Variants in KCNJ6 observed in about 807,000 individuals in gnomAD.
KCNJ6 encodes potassium inwardly rectifying channel subfamily J member 6, also known as G protein-activated inward rectifier potassium channel 2.
KCNJ6 carries 9 observed loss-of-function variants against 34.2 expected under a neutral mutation model. The ratio of observed to expected loss-of-function variants is 0.26; its 90% confidence interval spans 0.16 to 0.46. The LOEUF (loss-of-function observed/expected upper bound fraction) is 0.46, where lower values mean the gene tolerates loss of function less well. KCNJ6 is among the 20% of genes least tolerant of loss of function. KCNJ6 has a pLI of 1.00. For missense variants in KCNJ6, 236 were observed against 531.3 expected (o/e 0.44, Z 5.46); for synonymous variants, 196 against 207.1 (o/e 0.95, Z 0.46).
At chr21:37,755,788 G>T (rs898857803) in intron 2 of KCNJ6, among the ~76,000 whole-genome samples, 3 of 152,218 alleles carry the variant, frequency 2.0e-5, no homozygotes, top group African/African-American at 7.2e-5. Flanking sequence ...ATACGAGGGT[G>T]CGGTACAGGC....
intron 2 of KCNJ6, among the ~76,000 whole-genome samples, chr21:37,745,172 A>G (rs2054961871): frequency 7.0e-6 from 1 of 142,688 alleles, no homozygotes; most frequent in Non-Finnish European, 1.5e-5. Context: ...GGCTCACGGC[A>G]GCCCCTTGAC....
intron 2 of KCNJ6, among the ~76,000 whole-genome samples, chr21:37,779,365 T>A (rs1174594438): frequency 6.6e-6 from 1 of 152,152 alleles, no homozygotes. Context: ...CAGGTCAACA[T>A]GGTGCTACCT....
chr21:37,862,179 T>C (rs987162477), intron 1 of KCNJ6, among the ~76,000 whole-genome samples: 11 of 152,184 alleles, frequency 7.2e-5, no homozygotes, highest in African/African-American at 2.4e-4. Context: ...AGGGCTGTAT[T>C]TTGCTTACAA....
intron 2 of KCNJ6, among the ~76,000 whole-genome samples, chr21:37,796,195 C>T (rs974675169): frequency 6.6e-6 from 1 of 152,086 alleles, no homozygotes; most frequent in South Asian, 2.1e-4. Context: ...GGTGAAAAGG[C>T]GAGGACGATG....
intron 3 of KCNJ6, among the ~76,000 whole-genome samples, chr21:37,671,292 T>C (rs2054541241): frequency 6.6e-6 from 1 of 152,216 alleles, no homozygotes; most frequent in Admixed American, 6.5e-5. Flanking sequence ...GCCTACATAA[T>C]GAAGCTTCCA....
chr21:37,775,010 T>C (rs934717461), intron 2 of KCNJ6, among the ~76,000 whole-genome samples: 3 of 152,170 alleles, frequency 2.0e-5, no homozygotes, highest in African/African-American at 7.2e-5. Context: ...CTCCAGCACC[T>C]GTTGTTTCCT....
At chr21:37,888,420 T>C (rs1728426288) in intron 1 of KCNJ6, among the ~76,000 whole-genome samples, 1 of 152,184 alleles carries the variant, frequency 6.6e-6, no homozygotes, top group Non-Finnish European at 1.5e-5. Flanking sequence ...AAGTCTGGGT[T>C]TTGGAATACA....
intron 2 of KCNJ6, among the ~76,000 whole-genome samples, chr21:37,810,732 TG>T (rs2055318606): frequency 6.6e-6 from 1 of 152,262 alleles, no homozygotes; most frequent in African/African-American, 2.4e-5. Flanking sequence ...GTTTTTCTAC[TG>T]GGTGTGTGAT....
At position 37,797,452 on chromosome 21, in the gene KCNJ6, C is replaced by G. The variant is rs540671311; in HGVS notation, c.25+43206G>C. Among the ~76,000 whole-genome samples the G allele has an allele frequency of 7.2e-5, 11 of 152,276 alleles. No homozygotes were observed. The South Asian group carries it at 8.3e-4, about 11-fold the overall frequency. ...TGTAATCATGACAATCCACAAAACC[C>G]AGTGTCTGGAGTGAAGGGAATGACA... is the stretch of plus-strand genomic sequence containing the variant. On this transcript the variant is annotated intron_variant, in intron 2 of 3. Transcript: ENST00000609713.
At chr21:37,852,466 T>C (rs927839550) in intron 1 of KCNJ6, among the ~76,000 whole-genome samples, 4 of 152,148 alleles carry the variant, frequency 2.6e-5, no homozygotes, top group African/African-American at 4.8e-5. Context: ...CAGGATGGTG[T>C]TGCTGGAGAC....
chr21:37,671,586 T>C (rs2054542445), intron 3 of KCNJ6, among the ~76,000 whole-genome samples: 1 of 152,204 alleles, frequency 6.6e-6, no homozygotes, highest in Non-Finnish European at 1.5e-5. Flanking sequence ...TTACAGCCAG[T>C]TGGTCAGAAG....
intron 3 of KCNJ6, among the ~76,000 whole-genome samples, chr21:37,625,749 A>G (rs1212934893): frequency 6.6e-6 from 1 of 152,244 alleles, no homozygotes; most frequent in Non-Finnish European, 1.5e-5. Context: ...GCACATGCAA[A>G]GGAAATCAAG....
intron 1 of KCNJ6, among the ~76,000 whole-genome samples, chr21:37,858,874 C>A (rs1311081859): frequency 3.3e-5 from 5 of 151,958 alleles, no homozygotes; most frequent in Non-Finnish European, 7.4e-5. Flanking sequence ...CCAATTAAAA[C>A]CAGGCAGGGA....
intron 3 of KCNJ6, among the ~76,000 whole-genome samples, chr21:37,700,775 A>G (rs1296074105): frequency 6.6e-6 from 1 of 152,098 alleles, no homozygotes; most frequent in Non-Finnish European, 1.5e-5. Flanking sequence ...ACAACTCACC[A>G]CATCTTAGGG....
At chr21:37,689,126 T>C (rs932304234) in intron 3 of KCNJ6, among the ~76,000 whole-genome samples, 3 of 152,188 alleles carry the variant, frequency 2.0e-5, no homozygotes, top group Non-Finnish European at 2.9e-5. Flanking sequence ...CTCTATCTAT[T>C]GAAGTGCAGG....
intron 2 of KCNJ6, among the ~76,000 whole-genome samples, chr21:37,772,687 T>G (rs1309325806): frequency 1.3e-5 from 2 of 152,232 alleles, no homozygotes; most frequent in Non-Finnish European, 2.9e-5. Flanking sequence ...CTATTTACTC[T>G]CTTTCAACCA....
chr21:37,880,617 C>T (rs976501236), intron 1 of KCNJ6, among the ~76,000 whole-genome samples: 7 of 152,066 alleles, frequency 4.6e-5, no homozygotes, highest in East Asian at 1.9e-4. Context: ...GTTAATCAGA[C>T]GGCTTTGCAT....
At chr21:37,831,058 C>A (rs200230036) in intron 2 of KCNJ6, among the ~76,000 whole-genome samples, 4 of 152,134 alleles carry the variant, frequency 2.6e-5, no homozygotes, top group East Asian at 1.9e-4. Context: ...GGCGGGAAGC[C>A]CCCCTTGCAT....
At chr21:37,762,764 A>G (rs887110836) in intron 2 of KCNJ6, among the ~76,000 whole-genome samples, 2 of 152,086 alleles carry the variant, frequency 1.3e-5, no homozygotes, top group South Asian at 2.1e-4. Flanking sequence ...GCCAGCTTAC[A>G]CATGACGATC....
Sources: allele counts gnomAD v4.1 joint callset (sites outside exome capture counted in the v4.1 genomes callset), GRCh38; gene constraint gnomAD v4.1.1; transcripts MANE v1.5; gene names NCBI Gene and HGNC (gene_info 2026-07-23, HGNC 2026-07-21).